Variants in ASPSCR1 observed in about 807,000 individuals in gnomAD.
ASPSCR1 encodes tether containing UBX domain for GLUT4.
ASPSCR1 carries 55 observed loss-of-function variants against 68.9 expected under a neutral mutation model. That is an observed-to-expected ratio of 0.80 (90% CI 0.64 to 1.00). The LOEUF is 1.00. Ranked by LOEUF, ASPSCR1 falls within the 50% of genes least tolerant of loss-of-function variation. ASPSCR1 has a pLI of 0.00. For missense variants in ASPSCR1, 765 were observed against 762.2 expected (o/e 1.00, Z -0.04); for synonymous variants, 352 against 332.6 (o/e 1.06, Z -0.63).
intron 4 of ASPSCR1, among the ~76,000 whole-genome samples, chr17:81,991,480 G>A (rs376741546): frequency 6.6e-6 from 1 of 152,198 alleles, no homozygotes; most frequent in Admixed American, 6.5e-5. Context: ...GTGGAGCACT[G>A]GCCTGTGGCC....
chr17:81,986,648 C>A lies in ASPSCR1; in HGVS notation c.374+1041C>A, dbSNP rs1057401270. ...CCAGGGGGTTCTCGCCCTCCCCGGG[C>A]CTCAGTTTCCTCACCTGTGCCCCGG... On this transcript the variant is annotated intron_variant, in intron 4 of 15. Transcript: ENST00000306739. This position sits in a 1 kb window ranked among gnomAD's most constrained non-coding sequence, Gnocchi z 5.2. 3.3e-5 allele frequency among the ~76,000 whole-genome samples: 5 copies of A among 152,196 alleles called. No homozygotes were observed. Among genetic ancestry groups the A allele is most frequent in the Non-Finnish European group, 5.9e-5 (4 of 68,036 alleles).
chr17:82,006,157 T>C, intron 7 of ASPSCR1: 1 of 149,572 alleles, frequency 6.7e-6, no homozygotes, highest in Non-Finnish European at 1.5e-5. Context: ...TGCATGTCCT[T>C]GTGGGTGCAC....
chr17:81,990,643 C>T lies in ASPSCR1; in HGVS notation c.375-4178C>T, dbSNP rs1020355959. ...TGTGTCTAGTTTGAGATCTTTATTA[C>T]GGGGAGTGTGCCTTCCGTGATAGGA... On this transcript the variant is annotated intron_variant, in intron 4 of 15. Coordinates refer to ENST00000306739, the MANE Select transcript of ASPSCR1 (RefSeq NM_024083.4). The surrounding 1 kb of genome is among the most constrained non-coding windows in gnomAD (Gnocchi z 4.1). Among the ~76,000 whole-genome samples the T allele has an allele frequency of 6.6e-6, 1 of 152,094 alleles. No individual in the cohort carries two copies. The highest frequency in any genetic ancestry group is 1.5e-5 in the Non-Finnish European group (1 of 68,028).
intron 7 of ASPSCR1, among the ~76,000 whole-genome samples, chr17:82,003,781 G>A (rs1017074305): frequency 6.6e-6 from 1 of 152,268 alleles, no homozygotes; most frequent in Non-Finnish European, 1.5e-5. Flanking sequence ...CCCTGGCACA[G>A]CCTCTCCTGC....
chr17:82,011,543 T>C lies in ASPSCR1; in HGVS notation c.1238T>C (p.Val413Ala). ...TGTATGTTCTTTTTCTCCTCTGCAGTGGGGGACTTGCGAGACTTCGTGAGG... is the reference window on the plus strand; with the variant it reads ...TGTATGTTCTTTTTCTCCTCTGCAGCGGGGGACTTGCGAGACTTCGTGAGG... ...LQGFFRPSET[V>A]GDLRDFVRSH... Residue 413 changes from valine to alanine, a missense_variant and splice_region_variant, in exon 11 of 16, where the codon GTG becomes GCG. Coordinates refer to ENST00000306739, the MANE Select transcript of ASPSCR1 (RefSeq NM_024083.4). The C allele has an allele frequency of 4.4e-6, 7 of 1,581,166 alleles. No homozygotes were observed. Among genetic ancestry groups the C allele is most frequent in the Non-Finnish European group, 6.0e-6 (7 of 1,169,648 alleles).
At chr17:81,996,998 A>G in intron 7 of ASPSCR1, 152 bp downstream of exon 7, 3 of 1,446,798 alleles carry the variant, frequency 2.1e-6, no homozygotes, top group South Asian at 1.6e-5. Context: ...GGCTCTGGAC[A>G]GGAGCCTTCT....
chr17:81,989,709 G>A (rs572409311), intron 4 of ASPSCR1, among the ~76,000 whole-genome samples: 2 of 152,358 alleles, frequency 1.3e-5, no homozygotes, highest in East Asian at 3.9e-4. Context: ...GCTCCACTGC[G>A]AGGGTGTCAC....
At chr17:81,988,747 CG>C (rs1324029187) in intron 4 of ASPSCR1, among the ~76,000 whole-genome samples, 2 of 152,190 alleles carry the variant, frequency 1.3e-5, no homozygotes, top group Admixed American at 6.5e-5. Context: ...GCTCTTCCGT[CG>C]TGTGGGTGTC....
rs1443227257 is a variant in ASPSCR1, at chr17:82,017,073, G to C, written c.1608G>C (p.Lys536Asn). 6.2e-7 allele frequency: 1 copy of C among 1,608,070 alleles called. No individual in the cohort carries two copies. The highest frequency in any genetic ancestry group is 8.5e-7 in the Non-Finnish European group (1 of 1,178,554). ...TCCCAGGGACGGCCCAGCCCGTGAA[G>C]AGGAGCCTGGGCAAGGTGCCCAAGT... ...EPIPGTAQPV[K>N]RSLGKVPKWL... The change falls in exon 15 of 16, where the codon AAG (lysine) becomes AAC (asparagine). Residue 536 changes from lysine to asparagine, a missense_variant. By Grantham distance (94) the Lys-to-Asn change is moderately conservative. Transcript: ENST00000306739.
chr17:82,001,400 A>C (rs1341936084), intron 7 of ASPSCR1, among the ~76,000 whole-genome samples: 1 of 152,278 alleles, frequency 6.6e-6, no homozygotes, highest in Admixed American at 6.5e-5. Flanking sequence ...GCTATGCCTC[A>C]TGGGTGTCTG....
intron 7 of ASPSCR1, among the ~76,000 whole-genome samples, chr17:81,997,378 C>T (rs934315881): frequency 5.9e-5 from 9 of 151,984 alleles, no homozygotes; most frequent in Non-Finnish European, 8.8e-5. Flanking sequence ...AGCTGGTGAA[C>T]GCATCAGCCA....
rs1347258029 is a variant in ASPSCR1, at chr17:81,983,862, G to A, written c.273+194G>A. Among the ~76,000 whole-genome samples the A allele has an allele frequency of 2.1e-5, 3 of 144,970 alleles. No individual in the cohort carries two copies. The highest frequency in any genetic ancestry group is 6.9e-5 in the Admixed American group (1 of 14,540). On this transcript the variant is annotated intron_variant, in intron 3 of 15. Coordinates refer to ENST00000306739, the MANE Select transcript of ASPSCR1 (RefSeq NM_024083.4). The surrounding 1 kb of genome is among the most constrained non-coding windows in gnomAD (Gnocchi z 4.4). ...TGGCAACTGAAAATGAGCATCTCAT[G>A]TTTTTTTTTTTTTGAGCTGGAGTCT... is the stretch of plus-strand genomic sequence containing the variant.
At chr17:81,981,460 C>A (rs549637285) in intron 2 of ASPSCR1, among the ~76,000 whole-genome samples, 1 of 152,314 alleles carries the variant, frequency 6.6e-6, no homozygotes, top group East Asian at 1.9e-4. Flanking sequence ...CTCACTGCAA[C>A]CTCTGTCTCC....
intron 12 of ASPSCR1, chr17:82,015,835 C>T: frequency 5.2e-6 from 1 of 193,708 alleles, no homozygotes; most frequent in Non-Finnish European, 1.1e-5. Context: ...CAGCCCCTGC[C>T]CACCCCACAG....
In ASPSCR1 at chr17:81,983,708, A is replaced by C. The variant is rs1445422377; in HGVS notation, c.273+40A>C. 2.7e-6 allele frequency: 4 copies of C among 1,504,256 alleles called. No homozygotes were observed. Among genetic ancestry groups the C allele is most frequent in the Non-Finnish European group, 3.6e-6 (4 of 1,096,554 alleles). The allele number at this position is 1,504,256 out of a possible 1,614,324, so 93.2% of individuals were successfully genotyped here. A position where few individuals can be genotyped will look rare whatever the true frequency, so the allele number is the denominator to read the frequency against. ...GGGGGAGGCTGACTGTGTGGGGCAC[A>C]GGATCGTTCAGCTGGCCAGGGACGG... On this transcript the variant is annotated intron_variant, in intron 3 of 15. Transcript: ENST00000306739. This position sits in a 1 kb window ranked among gnomAD's most constrained non-coding sequence, Gnocchi z 4.4.
chr17:81,998,248 A>G (rs1598411132), intron 7 of ASPSCR1, among the ~76,000 whole-genome samples: 2 of 152,192 alleles, frequency 1.3e-5, no homozygotes, highest in South Asian at 2.1e-4. Context: ...TGGGATTACA[A>G]TTGTGAGCCA....
In ASPSCR1 at chr17:81,986,743, G is replaced by A. The variant is rs895234848; in HGVS notation, c.374+1136G>A. On this transcript the variant is annotated intron_variant, in intron 4 of 15. Coordinates refer to ENST00000306739, the MANE Select transcript of ASPSCR1 (RefSeq NM_024083.4). The surrounding 1 kb of genome is among the most constrained non-coding windows in gnomAD (Gnocchi z 5.2). ...AGGGCCTGTGGGAAGGTGACCGCGC[G>A]TCGGGCGCTGGGAAGGTGACTGTGC... Among the ~76,000 whole-genome samples the A allele has an allele frequency of 1.4e-4, 21 of 152,238 alleles. No homozygotes were observed. The highest frequency in any genetic ancestry group is 4.1e-4 in the African/African-American group (17 of 41,466).
intron 4 of ASPSCR1, among the ~76,000 whole-genome samples, chr17:81,994,428 A>G (rs1450038519): frequency 6.6e-6 from 1 of 152,126 alleles, no homozygotes; most frequent in African/African-American, 2.4e-5. Flanking sequence ...AGACGTCGGT[A>G]CCCTGACTCT....
chr17:81,986,665 G>C lies in ASPSCR1; in HGVS notation c.374+1058G>C, dbSNP rs2042002055. On this transcript the variant is annotated intron_variant, in intron 4 of 15. Transcript: ENST00000306739. This position sits in a 1 kb window ranked among gnomAD's most constrained non-coding sequence, Gnocchi z 5.2. ...TCCCCGGGCCTCAGTTTCCTCACCT[G>C]TGCCCCGGCTGGTGTGTGGATGGGG... is the stretch of plus-strand genomic sequence containing the variant. Among the ~76,000 whole-genome samples the C allele has an allele frequency of 6.6e-6, 1 of 151,634 alleles. No individual in the cohort carries two copies. The highest frequency in any genetic ancestry group is 6.6e-5 in the Admixed American group (1 of 15,262).
Sources: allele counts gnomAD v4.1 joint callset (sites outside exome capture counted in the v4.1 genomes callset), GRCh38; gene constraint gnomAD v4.1.1; non-coding constraint Gnocchi (gnomAD v3.1); transcripts MANE v1.5; gene names NCBI Gene and HGNC (gene_info 2026-07-23, HGNC 2026-07-21).